The following GRM7 variants were observed in gnomAD, a reference collection of about 807,000 sequenced individuals.
GRM7 encodes glutamate metabotropic receptor 7.
In GRM7, 35 loss-of-function variants were observed where a neutral mutation model predicts 84.5. The observed-to-expected ratio is 0.41, with a 90% CI of 0.32 to 0.55. The LOEUF (loss-of-function observed/expected upper bound fraction) is 0.55. Among genes scored for constraint, GRM7 ranks in the 20% least tolerant of loss-of-function variants. The pLI is 0.19. For missense variants in GRM7, 1,003 were observed against 1,194.6 expected, an observed-to-expected ratio of 0.84 and a Z score of 2.36; for synonymous variants, 487 against 455.1, an observed-to-expected ratio of 1.07 and a Z score of -0.89.
At chr3:7,426,245 G>C (rs901041815) in intron 5 of GRM7, among the ~76,000 whole-genome samples, 2 of 151,748 alleles carry the variant, frequency 1.3e-5, no homozygotes, top group African/African-American at 4.8e-5. Flanking sequence ...TCAGCCTCCC[G>C]AGTAGCTGGG....
chr3:7,123,180 C>T (rs1693281209), intron 1 of GRM7, among the ~76,000 whole-genome samples: 1 of 152,180 alleles, frequency 6.6e-6, no homozygotes, highest in Admixed American at 6.5e-5. Context: ...TTTATTTTCA[C>T]AGTAATGTGT....
intron 9 of GRM7, chr3:7,691,360 T>C (rs1013218976): frequency 1.3e-6 from 1 of 747,560 alleles, no homozygotes; most frequent in Non-Finnish European, 1.9e-6. Context: ...GGTTATAACC[T>C]GGCATGTGCT....
chr3:7,000,342 GTTATT>G (rs750263659), intron 1 of GRM7, among the ~76,000 whole-genome samples: 4 of 151,698 alleles, frequency 2.6e-5, no homozygotes, highest in African/African-American at 7.3e-5. Context: ...TGGCTAATAT[GTTATT>G]TTATTTTATT....
chr3:6,896,022 A>G (rs1045930149), intron 1 of GRM7, among the ~76,000 whole-genome samples: 3 of 152,192 alleles, frequency 2.0e-5, no homozygotes, highest in Non-Finnish European at 2.9e-5. Context: ...CCCATAAAGC[A>G]TATTTCTAAT....
At chr3:7,409,967 T>A (rs1230610512) in intron 4 of GRM7, among the ~76,000 whole-genome samples, 1 of 152,170 alleles carries the variant, frequency 6.6e-6, no homozygotes, top group Non-Finnish European at 1.5e-5. Context: ...ATTTCTCATT[T>A]CAGTGAAGTT....
intron 6 of GRM7, among the ~76,000 whole-genome samples, chr3:7,460,236 AT>A (rs1698191055): frequency 6.7e-6 from 1 of 149,756 alleles, no homozygotes; most frequent in Admixed American, 6.7e-5. Context: ...GATGGTAATG[AT>A]TTTTTATAGT....
At chr3:7,025,831 A>C (rs1695961731) in intron 1 of GRM7, among the ~76,000 whole-genome samples, 1 of 152,194 alleles carries the variant, frequency 6.6e-6, no homozygotes, top group Admixed American at 6.5e-5. Flanking sequence ...ATCTTTATTC[A>C]AAAGGTAAAT....
intron 1 of GRM7, among the ~76,000 whole-genome samples, chr3:7,122,572 G>A (rs573346274): frequency 2.6e-4 from 40 of 152,206 alleles, no homozygotes; most frequent in African/African-American, 9.6e-4. Context: ...CTTTTACCAG[G>A]TTGACTTTCT....
At chr3:7,581,896 G>T (rs748084225) in intron 8 of GRM7, among the ~76,000 whole-genome samples, 20 of 151,262 alleles carry the variant, frequency 1.3e-4, no homozygotes, top group Non-Finnish European at 2.8e-4. Context: ...CATGAAGTTT[G>T]TTTTTGCTTT....
intron 2 of GRM7, among the ~76,000 whole-genome samples, chr3:7,217,686 A>T (rs1265851849): frequency 6.7e-6 from 1 of 148,764 alleles, no homozygotes; most frequent in Non-Finnish European, 1.5e-5. Context: ...AAGCTAGAAT[A>T]TAAATATTTT....
At chr3:7,677,598 T>C (rs144156870) in intron 8 of GRM7, among the ~76,000 whole-genome samples, 1 of 152,300 alleles carries the variant, frequency 6.6e-6, no homozygotes, top group East Asian at 1.9e-4. Flanking sequence ...TTTCACATAC[T>C]TTCGAAGTGT....
At chr3:7,531,453 G>A (rs1436714507) in intron 7 of GRM7, among the ~76,000 whole-genome samples, 5 of 152,112 alleles carry the variant, frequency 3.3e-5, no homozygotes, top group Admixed American at 6.6e-5. Flanking sequence ...AGCATGGAAT[G>A]TTTTTCCATT....
At chr3:7,543,104 A>G (rs1029286884) in intron 7 of GRM7, among the ~76,000 whole-genome samples, 1 of 152,196 alleles carries the variant, frequency 6.6e-6, no homozygotes, top group African/African-American at 2.4e-5. Flanking sequence ...GCCAGAAGCA[A>G]TTATGGTGTG....
intron 1 of GRM7, among the ~76,000 whole-genome samples, chr3:6,888,082 G>GT: frequency 6.6e-6 from 1 of 151,994 alleles, no homozygotes; most frequent in Non-Finnish European, 1.5e-5. Context: ...GGGGTTGTTT[G>GT]TTTTTTTCTT....
chr3:7,383,827 T>C (rs147679517), intron 4 of GRM7, among the ~76,000 whole-genome samples: 18 of 152,320 alleles, frequency 1.2e-4, no homozygotes, highest in African/African-American at 4.1e-4. Flanking sequence ...AAAGTTATTT[T>C]AATTAACGTT....
At chr3:7,551,160 C>G (rs922201224) in intron 7 of GRM7, among the ~76,000 whole-genome samples, 4 of 152,148 alleles carry the variant, frequency 2.6e-5, no homozygotes, top group African/African-American at 9.7e-5. Context: ...ATATAGCACA[C>G]ACTGTGGAAA....
chr3:7,439,026 T>C (rs1697177542), intron 5 of GRM7, among the ~76,000 whole-genome samples: 1 of 152,114 alleles, frequency 6.6e-6, no homozygotes, highest in African/African-American at 2.4e-5. Flanking sequence ...CATAAGTTCA[T>C]CAGTGGTTGA....
At chr3:7,492,310 T>C (rs1699549775) in intron 7 of GRM7, among the ~76,000 whole-genome samples, 2 of 152,182 alleles carry the variant, frequency 1.3e-5, no homozygotes, top group African/African-American at 4.8e-5. Flanking sequence ...TTTGGTAGAA[T>C]TTCCCCATGA....
intron 7 of GRM7, among the ~76,000 whole-genome samples, chr3:7,509,354 A>G (rs1330898091): frequency 6.6e-6 from 1 of 152,196 alleles, no homozygotes; most frequent in African/African-American, 2.4e-5. Flanking sequence ...AGGTATTCAC[A>G]TACAGTTTGA....
Sources: allele counts gnomAD v4.1 joint callset (sites outside exome capture counted in the v4.1 genomes callset), GRCh38; gene constraint gnomAD v4.1.1; transcripts MANE v1.5; gene names NCBI Gene and HGNC (gene_info 2026-07-23, HGNC 2026-07-21).